The following IGDCC4 variants were observed in gnomAD, a reference collection of about 807,000 sequenced individuals.
The protein encoded by IGDCC4 is likely ortholog of mouse neighbor of Punc E11.
A neutral mutation model predicts 116.6 loss-of-function variants in IGDCC4; 72 were observed. The observed-to-expected ratio is 0.62, with a 90% CI of 0.51 to 0.75. IGDCC4 has a LOEUF of 0.75. IGDCC4 is among the 30% of genes least tolerant of loss of function. The pLI, the probability that IGDCC4 is intolerant of heterozygous loss-of-function variation, is 0.00. For synonymous variants in IGDCC4, 709 were observed against 719.9 expected, an observed-to-expected ratio of 0.98 and a Z score of 0.24; for missense variants, 1,501 against 1,662.4, an observed-to-expected ratio of 0.90 and a Z score of 1.69.
chr15:65,407,345 T>G (rs1384631581), intron 3 of IGDCC4, among the ~76,000 whole-genome samples: 2 of 152,028 alleles, frequency 1.3e-5, no homozygotes, highest in African/African-American at 4.8e-5. Flanking sequence ...TAATTTATTA[T>G]TATTATTATT....
rs936010155 is a variant in IGDCC4, at chr15:65,395,753, G to A, written c.1408C>T (p.Arg470Trp). 4.2e-6 allele frequency: 6 copies of A among 1,438,476 alleles called. No individual in the cohort carries two copies. The highest frequency in any genetic ancestry group is 4.7e-5 in the Admixed American group (2 of 42,206). The allele number at this position is 1,438,476 out of a possible 1,614,324, so 89.1% of individuals were successfully genotyped here. The part of the protein sequence containing the change: ...IGFSLHYQKA[R>W]GMDNVEYQFA... ...ATCCCGCCCCAGGCCGACGTACCCCGTGCCTTCTGGTAGTGGAGAGAGAAG... is the reference window on the plus strand; with the variant it reads ...ATCCCGCCCCAGGCCGACGTACCCCATGCCTTCTGGTAGTGGAGAGAGAAG... The change falls in exon 7 of 20, where the codon CGG becomes TGG. Residue 470 changes from arginine (R) to tryptophan (W), a missense_variant. This residue lies in a region of IGDCC4 where 898 missense variants were observed against 978.9 expected (regional missense o/e 0.92). Coordinates refer to ENST00000352385, the MANE Select transcript of IGDCC4 (RefSeq NM_020962.3).
intron 8 of IGDCC4, 34 bp from the exon 9 acceptor site, chr15:65,394,582 C>A: frequency 1.3e-6 from 2 of 1,554,310 alleles, no homozygotes; most frequent in Non-Finnish European, 8.7e-7. Flanking sequence ...GAGCTCTGCT[C>A]CACCGACGTG....
rs550641074 is a variant in IGDCC4 at position 65,400,957 on chromosome 15, G to A, written c.701-11C>T. 6.2e-7 allele frequency: 1 copy of A among 1,614,026 alleles called. No individual in the cohort carries two copies. Among genetic ancestry groups the A allele is most frequent in the Admixed American group, 1.7e-5 (1 of 60,022 alleles). On this transcript the variant is annotated splice_polypyrimidine_tract_variant and intron_variant, in intron 4 of 19. Transcript: ENST00000352385. ...TGGACGCCAGGGACCCTGGCGAGAA[G>A]ACAGACCAGCAGGCAGCCTTACCAT...
rs1186067792 is a variant in IGDCC4 at position 65,384,963 on chromosome 15, G to T, written c.3333C>A (p.Asp1111Glu). The T allele has an allele frequency of 6.2e-7, 1 of 1,609,834 alleles. No homozygotes were observed. The highest frequency in any genetic ancestry group is 1.4e-5 in the African/African-American group (1 of 73,926). The change falls in exon 19 of 20, where the codon GAC becomes GAA. Residue 1111 changes from aspartate to glutamate, a missense_variant. Transcript: ENST00000352385. This position sits in a 1 kb window ranked among gnomAD's most constrained non-coding sequence, Gnocchi z 4.9. ...QTLLLQALVY[D>E]AIKGNGRKKS... is the part of the protein sequence containing the mutation. ...CTTCCAGGACGCTGACCTTTATGGC[G>T]TCGTACACCAGAGCCTGCAGCAACA... is the stretch of plus-strand genomic sequence containing the variant.
chr15:65,409,086 C>T (rs1349348074), intron 3 of IGDCC4, among the ~76,000 whole-genome samples: 6 of 152,192 alleles, frequency 3.9e-5, no homozygotes, highest in African/African-American at 1.4e-4. Flanking sequence ...CCTCCTGCTT[C>T]GTCCTCCCAA....
rs2062911910 is a variant in IGDCC4, at chr15:65,395,248, A to G, written c.1422T>C (p.Asn474=). ...LHYQKARGMD[N]VEYQFAVNND... is the part of the protein sequence containing the mutation. ...TGTTCACTGCAAACTGGTATTCCAC[A>G]TTGTCCATGCCTGGTGACACGGGGG... is the stretch of plus-strand genomic sequence containing the variant. Residue 474 remains asparagine, a synonymous_variant, in exon 8 of 20, where the codon AAT becomes AAC. Coordinates refer to ENST00000352385, the MANE Select transcript of IGDCC4 (RefSeq NM_020962.3). 6.2e-7 allele frequency: 1 copy of G among 1,612,782 alleles called. No homozygotes were observed. Among genetic ancestry groups the G allele is most frequent in the African/African-American group, 1.3e-5 (1 of 74,884 alleles).
Position 65,384,206 on chromosome 15 carries a change from C to T in IGDCC4, c.3556G>A (p.Gly1186Arg). The change falls in exon 20 of 20, where the codon GGG becomes AGG. Residue 1186 changes from glycine to arginine, a missense_variant. Physicochemically the swap from Gly to Arg is moderately radical, Grantham distance 125. Around this residue, in one of 3 missense-constraint regions of IGDCC4, gnomAD observed 368 missense variants for 355.6 expected, o/e 1.03. Transcript: ENST00000352385. This position sits in a 1 kb window ranked among gnomAD's most constrained non-coding sequence, Gnocchi z 4.9. ...GAAWLDRELG[G>R]CELAAPGPDR... ...GGCCCGGGGGCTGCCAGCTCACACC[C>T]TCCCAACTCCCTGTCCAGCCAGGCT... The T allele has an allele frequency of 6.2e-7, 1 of 1,606,646 alleles. No homozygotes were observed. The highest frequency in any genetic ancestry group is 8.5e-7 in the Non-Finnish European group (1 of 1,174,576).
chr15:65,385,331 AC>A, intron 18 of IGDCC4: 1 of 583,520 alleles, frequency 1.7e-6, no homozygotes, highest in Non-Finnish European at 3.0e-6. Context: ...GGAGCGGAAC[AC>A]CAGACGCTCT....
At position 65,411,234 on chromosome 15, in the gene IGDCC4, C is replaced by T; in HGVS notation, c.207G>A (p.Arg69=). The T allele has an allele frequency of 1.2e-6, 2 of 1,614,160 alleles. No individual in the cohort carries two copies. The highest frequency in any genetic ancestry group is 8.5e-7 in the Non-Finnish European group (1 of 1,180,014). Reference sequence around the variant, plus strand: ...TGTCCCCATCCTTGCTCCAGGTCACCCTGGTGGGGGGTCCAGCGGCAGCAG... The same window carrying T: ...TGTCCCCATCCTTGCTCCAGGTCACTCTGGTGGGGGGTCCAGCGGCAGCAG... ...LGAAAAGPPT[R]VTWSKDGDTL... The change falls in exon 2 of 20, where the codon AGG becomes AGA. Residue 69 remains arginine (R), a synonymous_variant. Transcript: ENST00000352385.
chr15:65,393,482 CAGCATA>C lies in IGDCC4; in HGVS notation c.1758_1763del (p.Met587_Leu588del). Reference sequence around the variant, plus strand: ...ACACCTTGTTTGGCTGAAGCGAGTTCAGCATAAGCTGTGTCTCATTTCCTCGCACCT... The same window carrying C: ...ACACCTTGTTTGGCTGAAGCGAGTTCAGCTGTGTCTCATTTCCTCGCACCT... On this transcript the variant is annotated inframe_deletion, in exon 10 of 20. Transcript: ENST00000352385. This position sits in a 1 kb window ranked among gnomAD's most constrained non-coding sequence, Gnocchi z 4.6. 1 of 1,611,602 alleles carries C rather than the reference CAGCATA, an allele frequency of 6.2e-7. No individual in the cohort carries two copies. Among genetic ancestry groups the C allele is most frequent in the Non-Finnish European group, 8.5e-7 (1 of 1,178,654 alleles).
intron 5 of IGDCC4, among the ~76,000 whole-genome samples, chr15:65,399,778 G>A (rs753449905): frequency 1.4e-4 from 22 of 152,210 alleles, no homozygotes; most frequent in African/African-American, 9.6e-5. Flanking sequence ...ATATATATTC[G>A]TGATATACAC....
intron 1 of IGDCC4, among the ~76,000 whole-genome samples, chr15:65,416,659 A>G (rs2063147985): frequency 6.6e-6 from 1 of 152,054 alleles, no homozygotes; most frequent in Non-Finnish European, 1.5e-5. Flanking sequence ...CGGGGTGGAC[A>G]CATTGCAGGT....
At position 65,389,310 on chromosome 15, in the gene IGDCC4, A is replaced by G. The variant is rs144676391; in HGVS notation, c.2510T>C (p.Val837Ala). ...GTCAGGCAGGGTGGAGCGCTCCACCACAGAGCCGAAAGGCCCATCCATGTC... is the reference window on the plus strand; with the variant it reads ...GTCAGGCAGGGTGGAGCGCTCCACCGCAGAGCCGAAAGGCCCATCCATGTC... ...GVDMDGPFGS[V>A]VERSTLPDRP... Residue 837 changes from valine to alanine, a missense_variant, in exon 14 of 20, where the codon GTG becomes GCG. This residue lies in a region of IGDCC4 where 235 missense variants were observed against 328.0 expected (regional missense o/e 0.72). Transcript: ENST00000352385. 5.6e-4 allele frequency: 911 copies of G among 1,614,046 alleles called. 2 individuals are homozygous for G. In the African/African-American group the frequency reaches 0.011, roughly 20 times the overall value.
At position 65,402,502 on chromosome 15, in the gene IGDCC4, A is replaced by C; in HGVS notation, c.564-15T>G. 1.3e-6 allele frequency: 2 copies of C among 1,563,658 alleles called. No individual in the cohort carries two copies. The highest frequency in any genetic ancestry group is 1.7e-6 in the Non-Finnish European group (2 of 1,153,058). ...GCACGATGAGCCTTGGGAAGAGGGGAGCAGGCAACTGTGAGGTGGGCAGGG... is the reference window on the plus strand; with the variant it reads ...GCACGATGAGCCTTGGGAAGAGGGGCGCAGGCAACTGTGAGGTGGGCAGGG... On this transcript the variant is annotated splice_polypyrimidine_tract_variant and intron_variant, in intron 3 of 19. Coordinates refer to ENST00000352385, the MANE Select transcript of IGDCC4 (RefSeq NM_020962.3).
chr15:65,387,350 T>TTTTTGC (rs2091469853), intron 16 of IGDCC4, among the ~76,000 whole-genome samples: 1 of 150,626 alleles, frequency 6.6e-6, no homozygotes, highest in South Asian at 2.1e-4. Flanking sequence ...GCTTTTTTTG[T>TTTTTGC]TTTTGTTTTT....
intron 16 of IGDCC4, among the ~76,000 whole-genome samples, chr15:65,388,105 A>G (rs1230182610): frequency 1.3e-5 from 2 of 151,938 alleles, no homozygotes; most frequent in Admixed American, 6.5e-5. Context: ...TTAGCCGGGC[A>G]TGGTGGTGTG....
chr15:65,420,572 C>G (rs1166334620), intron 1 of IGDCC4, among the ~76,000 whole-genome samples: 1 of 152,178 alleles, frequency 6.6e-6, no homozygotes, highest in East Asian at 1.9e-4. Flanking sequence ...TGAGCTGGAT[C>G]TAGCTCCCCT....
intron 3 of IGDCC4, among the ~76,000 whole-genome samples, chr15:65,408,173 G>T (rs1012814350): frequency 2.0e-5 from 3 of 152,232 alleles, no homozygotes; most frequent in African/African-American, 7.2e-5. Flanking sequence ...GATTGGAAGG[G>T]TTAAGTGAGA....
intron 3 of IGDCC4, among the ~76,000 whole-genome samples, chr15:65,405,965 G>A (rs967007899): frequency 2.6e-5 from 4 of 152,184 alleles, no homozygotes; most frequent in Non-Finnish European, 5.9e-5. Context: ...AAGGGCCAAG[G>A]AGCCCCCACC....
Sources: allele counts gnomAD v4.1 joint callset (sites outside exome capture counted in the v4.1 genomes callset), GRCh38; gene constraint gnomAD v4.1.1; regional missense constraint gnomAD v4.1.1; non-coding constraint Gnocchi (gnomAD v3.1); transcripts MANE v1.5; gene names NCBI Gene and HGNC (gene_info 2026-07-23, HGNC 2026-07-21).